Variants in GNB1 observed in about 807,000 individuals in gnomAD.
GNB1 encodes guanine nucleotide-binding protein G(I)/G(S)/G(T) subunit beta-1.
A neutral mutation model predicts 42.9 loss-of-function variants in GNB1; 2 were observed. The ratio of observed to expected loss-of-function variants is 0.05; its 90% CI spans 0.02 to 0.15. The LOEUF (loss-of-function observed/expected upper bound fraction) is 0.15. Ranked by LOEUF, GNB1 falls within the 10% of genes least tolerant of loss-of-function variation. The probability of loss-of-function intolerance (pLI) is 1.00; values close to 1 mark genes in which losing one functional copy is unlikely to be tolerated. For synonymous variants in GNB1, 183 were observed against 174.7 expected (o/e 1.05, Z -0.38); for missense variants, 193 against 462.2 (o/e 0.42, Z 5.34).
chr1:1,840,905 T>A (rs1342113071), intron 1 of GNB1, among the ~76,000 whole-genome samples: 2 of 152,194 alleles, frequency 1.3e-5, no homozygotes, highest in African/African-American at 4.8e-5. Context: ...ATTTTTTTTA[T>A]TTTTGAGACA....
chr1:1,822,868 A>G (rs1311730426), intron 3 of GNB1, among the ~76,000 whole-genome samples: 1 of 152,214 alleles, frequency 6.6e-6, no homozygotes, highest in African/African-American at 2.4e-5. Context: ...TGAACAACTT[A>G]TAGCTGTCAG....
At chr1:1,792,296 G>C (rs1205067714) in intron 8 of GNB1, among the ~76,000 whole-genome samples, 3 of 152,014 alleles carry the variant, frequency 2.0e-5, no homozygotes, top group Non-Finnish European at 4.4e-5. Context: ...CTATCAGAAA[G>C]GGACAATCAA....
Position 1,787,551 on chromosome 1 carries a change from C to A in GNB1, c.917-114G>T. ...TCTCTCATGGGACAAGACCCAGAGT[C>A]TCCCACGGCCAGGAAGGGAGGGAAA... On this transcript the variant is annotated intron_variant, in intron 10 of 11. Coordinates refer to ENST00000378609, the MANE Select transcript of GNB1 (RefSeq NM_002074.5). The surrounding 1 kb of genome is among the most constrained non-coding windows in gnomAD (Gnocchi z 4.4). 1 of 617,766 alleles carries A rather than the reference C, an allele frequency of 1.6e-6. No individual in the cohort carries two copies. Among genetic ancestry groups the A allele is most frequent in the Non-Finnish European group, 2.8e-6 (1 of 354,100 alleles). The allele number at this position is 617,766 out of a possible 1,614,324, so 38.3% of individuals were successfully genotyped here.
chr1:1,829,600 T>C (rs2101039063), intron 2 of GNB1, among the ~76,000 whole-genome samples: 1 of 152,058 alleles, frequency 6.6e-6, no homozygotes, highest in East Asian at 1.9e-4. Flanking sequence ...ACCTTCTGGT[T>C]CCCATAAACA....
chr1:1,845,557 T>A (rs1057460494), intron 1 of GNB1, among the ~76,000 whole-genome samples: 4 of 151,862 alleles, frequency 2.6e-5, no homozygotes, highest in African/African-American at 4.8e-5. Context: ...TGGGTGACAG[T>A]GCGAGACTCC....
At chr1:1,867,976 T>C (rs543242539) in intron 1 of GNB1, among the ~76,000 whole-genome samples, 21 of 152,294 alleles carry the variant, frequency 1.4e-4, no homozygotes, top group Admixed American at 1.2e-3. Flanking sequence ...AAAAATCTAC[T>C]AGGAAACGTT....
chr1:1,839,800 A>C (rs777416431), intron 1 of GNB1: 1 of 151,788 alleles, frequency 6.6e-6, no homozygotes, highest in South Asian at 2.1e-4. Flanking sequence ...GTTGCAGTGA[A>C]CCGAGATCAT....
intron 1 of GNB1, among the ~76,000 whole-genome samples, chr1:1,852,832 C>A (rs1249279962): frequency 6.6e-6 from 1 of 152,274 alleles, no homozygotes; most frequent in East Asian, 1.9e-4. Flanking sequence ...AGCTCCACAT[C>A]TGCCACACCC....
At chr1:1,846,427 C>T (rs953485372) in intron 1 of GNB1, among the ~76,000 whole-genome samples, 35 of 151,982 alleles carry the variant, frequency 2.3e-4, no homozygotes, top group African/African-American at 7.5e-4. Flanking sequence ...ATTAGCCAGG[C>T]GTGGTGGCTG....
rs760294745 is a variant in GNB1 at position 1,827,869 on chromosome 1, T to TATA, written c.-46-2371_-46-2370insTAT. On this transcript the variant is annotated intron_variant, in intron 2 of 11. Transcript: ENST00000378609. Reference sequence around the variant, plus strand: ...AATCAACATGAAGAAAACAAGTTAATGTTATGAAGTACCCCGAATTAAACT... The same window carrying TATA: ...AATCAACATGAAGAAAACAAGTTAATATAGTTATGAAGTACCCCGAATTAAACT... 3.3e-5 allele frequency among the ~76,000 whole-genome samples: 5 copies of TATA among 152,336 alleles called. No homozygotes were observed. The East Asian group carries it at 5.8e-4, about 18-fold the overall frequency.
intron 1 of GNB1, among the ~76,000 whole-genome samples, chr1:1,885,391 C>T (rs1383738217): frequency 6.8e-6 from 1 of 147,764 alleles, no homozygotes; most frequent in Non-Finnish European, 1.5e-5. Flanking sequence ...CCAGCCTGGG[C>T]AACAGGAAGG....
At chr1:1,873,243 G>C (rs1649347283) in intron 1 of GNB1, among the ~76,000 whole-genome samples, 1 of 152,230 alleles carries the variant, frequency 6.6e-6, no homozygotes, top group African/African-American at 2.4e-5. Context: ...GAATGCAACA[G>C]AGGTGACACT....
chr1:1,853,344 TA>T (rs1408378791), intron 1 of GNB1, among the ~76,000 whole-genome samples: 1 of 152,206 alleles, frequency 6.6e-6, no homozygotes, highest in Non-Finnish European at 1.5e-5. Context: ...TTAAAGCTCT[TA>T]CTGACTGTAT....
At chr1:1,872,565 T>G (rs1649305416) in intron 1 of GNB1, among the ~76,000 whole-genome samples, 1 of 152,192 alleles carries the variant, frequency 6.6e-6, no homozygotes, top group African/African-American at 2.4e-5. Flanking sequence ...CCGCAGGACC[T>G]CTGCTGAGCT....
chr1:1,871,254 G>A (rs1570744019), intron 1 of GNB1, among the ~76,000 whole-genome samples: 2 of 152,130 alleles, frequency 1.3e-5, no homozygotes, highest in African/African-American at 4.8e-5. Context: ...AAGGCCAGGA[G>A]TTAGAGACCA....
At chr1:1,819,270 G>A (rs939128752) in intron 3 of GNB1, among the ~76,000 whole-genome samples, 4 of 151,930 alleles carry the variant, frequency 2.6e-5, no homozygotes, top group Admixed American at 2.0e-4. Flanking sequence ...TGCCCAGGCG[G>A]GAGTGCTGTG....
chr1:1,804,464 G>A lies in GNB1; in HGVS notation c.385C>T (p.Arg129Cys), dbSNP rs1355459489. 2 of 1,613,646 alleles carry A rather than the reference G, an allele frequency of 1.2e-6. No homozygotes were observed. The highest frequency in any genetic ancestry group is 1.3e-5 in the African/African-American group (1 of 74,892). ...CGACTCACGCGCACGTTCCCCTCAC[G>A]AGTTTTCAGATTGTAAATGGAGCAA... is the stretch of plus-strand genomic sequence containing the variant. The part of the protein sequence containing the change: ...NICSIYNLKT[R>C]EGNVRVSREL... The change falls in exon 7 of 12, where the codon CGT (arginine) becomes TGT (cysteine). Residue 129 changes from arginine (R) to cysteine (C), a missense_variant. Physicochemically the swap from Arg to Cys is radical, Grantham distance 180 (BLOSUM62 -3). Coordinates refer to ENST00000378609, the MANE Select transcript of GNB1 (RefSeq NM_002074.5).
chr1:1,794,544 TC>T (rs1646521871), intron 7 of GNB1, among the ~76,000 whole-genome samples: 1 of 151,492 alleles, frequency 6.6e-6, no homozygotes, highest in Admixed American at 6.6e-5. Context: ...TGAAAAGCCT[TC>T]CCCCCAACTA....
At chr1:1,861,678 A>T (rs1175489623) in intron 1 of GNB1, among the ~76,000 whole-genome samples, 1 of 152,030 alleles carries the variant, frequency 6.6e-6, no homozygotes, top group African/African-American at 2.4e-5. Context: ...AGCAACCCTG[A>T]AGGAGGCTTC....
Sources: allele counts gnomAD v4.1 joint callset (sites outside exome capture counted in the v4.1 genomes callset), GRCh38; gene constraint gnomAD v4.1.1; non-coding constraint Gnocchi (gnomAD v3.1); transcripts MANE v1.5; gene names NCBI Gene and HGNC (gene_info 2026-07-23, HGNC 2026-07-21).